ACBD5: variants seen among roughly 807,000 people sequenced by gnomAD.
The protein encoded by ACBD5 is acyl-CoA binding domain containing 5.
Under a neutral mutation model 71.8 loss-of-function variants are expected in ACBD5, and 40 were observed. The ratio of observed to expected loss-of-function variants is 0.56; its 90% CI spans 0.43 to 0.72. The LOEUF is 0.72. ACBD5 is among the 30% of genes least tolerant of loss of function. ACBD5 has a pLI of 0.00. For missense variants in ACBD5, 559 were observed against 644.5 expected (o/e 0.87, Z 1.44); for synonymous variants, 229 against 218.6 (o/e 1.05, Z -0.42).
chr10:27,197,241 T>G lies in ACBD5; in HGVS notation c.*189A>C, dbSNP rs1266603530. 1 of 686,814 alleles carries G rather than the reference T, an allele frequency of 1.5e-6. No homozygotes were observed. Among genetic ancestry groups the G allele is most frequent in the South Asian group, 1.5e-5 (1 of 64,528 alleles). 42.5% of individuals were successfully genotyped at this position (686,814 alleles called of 1,614,324 possible). A position where few individuals can be genotyped will look rare whatever the true frequency, so the allele number is the denominator to read the frequency against. ...TTGATTATTCAAGTATCAGCAATAT[T>G]AGTCCTTAAAATGTTATCGTTTGTG... On this transcript the variant is annotated 3_prime_UTR_variant, in exon 13 of 13. Transcript: ENST00000396271.
chr10:27,188,404 G>A (rs559753060), intron 13 of ACBD5, among the ~76,000 whole-genome samples: 2 of 152,268 alleles, frequency 1.3e-5, no homozygotes, highest in South Asian at 4.1e-4. Context: ...ACAATAAAAG[G>A]CCTCTGGCAG....
intron 4 of ACBD5, among the ~76,000 whole-genome samples, chr10:27,224,852 G>A (rs1418197549): frequency 6.6e-6 from 1 of 152,058 alleles, no homozygotes; most frequent in African/African-American, 2.4e-5. Context: ...CCAACATGGT[G>A]AAACCCCATC....
Position 27,197,740 on chromosome 10 carries a change from G to A in ACBD5, c.1566-298C>T, listed in dbSNP as rs10764688. Among the ~76,000 whole-genome samples the A allele has an allele frequency of 0.68, 102,851 of 152,004 alleles. 34,900 individuals carry two copies. Among genetic ancestry groups the A allele is most frequent in the Admixed American group, 0.71 (10,827 of 15,246 alleles). On this transcript the variant is annotated intron_variant, in intron 12 of 12. Transcript: ENST00000396271. ...GGCTCACTGCAACCCTCCGCCTCCCGGGTACAAGCGATTCTCCTGCCTCAG... is the reference window on the plus strand; with the variant it reads ...GGCTCACTGCAACCCTCCGCCTCCCAGGTACAAGCGATTCTCCTGCCTCAG...
intron 8 of ACBD5, among the ~76,000 whole-genome samples, chr10:27,212,588 T>TC (rs1554839383): frequency 2.0e-5 from 3 of 151,452 alleles, no homozygotes; most frequent in African/African-American, 4.9e-5. Context: ...GCTTTTTTTT[T>TC]TTTTTTTTGA....
intron 12 of ACBD5, among the ~76,000 whole-genome samples, chr10:27,202,922 ATG>A (rs1157944437): frequency 6.6e-6 from 1 of 150,514 alleles, no homozygotes; most frequent in African/African-American, 2.4e-5. Flanking sequence ...GGAATTGAAA[ATG>A]TATAGAAGAA....
At chr10:27,240,958 C>T, upstream of ACBD5, 1 of 590,428 alleles carries the variant, frequency 1.7e-6, no homozygotes, top group Non-Finnish European at 3.0e-6. This position sits in a 1 kb window ranked among gnomAD's most constrained non-coding sequence, Gnocchi z 4.1. Flanking sequence ...GTCCGGGAAG[C>T]GGGGAAAGGG....
intron 5 of ACBD5, 58 bp downstream of exon 5, chr10:27,223,280 A>G (rs1315737173): frequency 7.9e-7 from 1 of 1,267,076 alleles, no homozygotes; most frequent in South Asian, 1.2e-5. Context: ...AGATACAAAT[A>G]TTAATATGTG....
intron 13 of ACBD5, among the ~76,000 whole-genome samples, chr10:27,189,102 T>G (rs191955420): frequency 0.012 from 1,816 of 152,344 alleles, 22 homozygotes; most frequent in South Asian, 0.034. Flanking sequence ...CCAGAGGAAT[T>G]GGCAAAGAAA....
At chr10:27,183,298 T>C (rs1167442829) in intron 13 of ACBD5, among the ~76,000 whole-genome samples, 1 of 145,086 alleles carries the variant, frequency 6.9e-6, no homozygotes, top group Non-Finnish European at 1.5e-5. Context: ...TTGTTGTTGT[T>C]GAGACAGAGA....
At chr10:27,234,965 AT>A in intron 3 of ACBD5, 126 bp downstream of exon 3, 1 of 940,686 alleles carries the variant, frequency 1.1e-6, no homozygotes, top group Non-Finnish European at 1.6e-6. Context: ...AACCTGGAGG[AT>A]AAAAATTGTA....
Position 27,223,131 on chromosome 10 carries a change from G to A in ACBD5, c.490+207C>T, listed in dbSNP as rs1347461405. On this transcript the variant is annotated intron_variant, in intron 5 of 12. Transcript: ENST00000396271. ...AAACTCCTGGGTGACAAGATTGTAA[G>A]TTCTGTAAGTTTGTGCAGAATTCTT... 8 of 706,004 alleles carry A rather than the reference G, an allele frequency of 1.1e-5. No individual in the cohort carries two copies. The African/African-American group carries it at 1.4e-4, about 13-fold the overall frequency. 43.7% of individuals were successfully genotyped at this position (706,004 alleles called of 1,614,324 possible).
chr10:27,236,311 A>G (rs979370195), intron 2 of ACBD5, among the ~76,000 whole-genome samples: 11 of 152,182 alleles, frequency 7.2e-5, no homozygotes, highest in Non-Finnish European at 1.5e-4. Context: ...TATAAGTTCC[A>G]TGATCTACTA....
chr10:27,228,807 A>G (rs1167743426), intron 4 of ACBD5, among the ~76,000 whole-genome samples: 1 of 6,812 alleles, frequency 1.5e-4, no homozygotes, highest in African/African-American at 2.2e-4. Flanking sequence ...ATATATATAT[A>G]TATATATATT....
chr10:27,231,440 T>C (rs1280608022), intron 4 of ACBD5, among the ~76,000 whole-genome samples: 3 of 152,046 alleles, frequency 2.0e-5, no homozygotes, highest in South Asian at 2.1e-4. Context: ...TTGCTTGAAT[T>C]TGGAAGGCGG....
intron 4 of ACBD5, among the ~76,000 whole-genome samples, chr10:27,225,790 T>G (rs2062937908): frequency 6.6e-6 from 1 of 152,032 alleles, no homozygotes. Context: ...CCCTTTACAC[T>G]ATCCCACACT....
At chr10:27,191,612 G>A (rs932944527), downstream of ACBD5, among the ~76,000 whole-genome samples, 17 of 152,150 alleles carry the variant, frequency 1.1e-4, no homozygotes, top group South Asian at 6.2e-4. Flanking sequence ...GGCCAGATGC[G>A]GTGGCTCACG....
At chr10:27,197,995 T>C (rs1052788979) in intron 12 of ACBD5, among the ~76,000 whole-genome samples, 14 of 152,222 alleles carry the variant, frequency 9.2e-5, no homozygotes, top group Non-Finnish European at 1.6e-4. Flanking sequence ...TCTAGATTCT[T>C]ACCCTTTTCT....
intron 2 of ACBD5, among the ~76,000 whole-genome samples, chr10:27,238,166 C>T (rs1049415663): frequency 6.6e-6 from 1 of 151,794 alleles, no homozygotes; most frequent in Non-Finnish European, 1.5e-5. Flanking sequence ...AGGATGGTCT[C>T]AATCTCCTGA....
rs752147433 is a variant in ACBD5 at position 27,184,554 on chromosome 10, ATTTTTTT to A, written c.1494-1846_1494-1840del. Among the ~76,000 whole-genome samples, 29 of 84,858 alleles carry A rather than the reference ATTTTTTT, an allele frequency of 3.4e-4. 1 individual carries two copies. The highest frequency in any genetic ancestry group is 9.4e-4 in the South Asian group (2 of 2,134). The allele number at this position is 84,858 out of a possible 152,430, so 55.7% of individuals were successfully genotyped here. Reference sequence around the variant, plus strand: ...AAAAACACTATCACATATAAGAAGGATTTTTTTTTTTTTTTTTTTTTTTTGAGACGGA... The same window carrying A: ...AAAAACACTATCACATATAAGAAGGATTTTTTTTTTTTTTTTTGAGACGGA... On this transcript the variant is annotated intron_variant, in intron 13 of 13. Coordinates refer to the ACBD5 transcript ENST00000676511.
Sources: allele counts gnomAD v4.1 joint callset (sites outside exome capture counted in the v4.1 genomes callset), GRCh38; gene constraint gnomAD v4.1.1; non-coding constraint Gnocchi (gnomAD v3.1); transcripts MANE v1.5; gene names NCBI Gene and HGNC (gene_info 2026-07-23, HGNC 2026-07-21).